The following USP46 variants were observed in gnomAD, a reference collection of about 807,000 sequenced individuals.
USP46 encodes the protein ubiquitin specific peptidase 46, also known as ubiquitin carboxyl-terminal hydrolase 46.
USP46 carries 12 observed loss-of-function variants against 44.4 expected under a neutral mutation model. The ratio of observed to expected loss-of-function variants is 0.27; its 90% CI spans 0.17 to 0.44. The LOEUF (loss-of-function observed/expected upper bound fraction) is 0.44, where lower values mean the gene tolerates loss of function less well. Ranked by LOEUF, USP46 falls within the 20% of genes least tolerant of loss-of-function variation. The probability of loss-of-function intolerance (pLI) is 1.00; values close to 1 mark genes in which losing one functional copy is unlikely to be tolerated. For missense variants in USP46, 248 were observed against 444.8 expected, an observed-to-expected ratio of 0.56 and a Z score of 3.98; for synonymous variants, 155 against 161.5, an observed-to-expected ratio of 0.96 and a Z score of 0.31.
chr4:52,650,924 C>T (rs1053932759), intron 1 of USP46: 1 of 152,002 alleles, frequency 6.6e-6, no homozygotes, highest in African/African-American at 2.4e-5. Context: ...TGGTGAAACC[C>T]TGTCTCTACT....
intron 1 of USP46, among the ~76,000 whole-genome samples, chr4:52,638,483 A>C (rs187616473): frequency 3.1e-4 from 47 of 151,982 alleles, no homozygotes; most frequent in African/African-American, 1.1e-3. Flanking sequence ...GTTTGTGGTA[A>C]TTTTTACAGC....
chr4:52,608,504 A>G (rs1305601718), intron 5 of USP46, among the ~76,000 whole-genome samples: 1 of 152,228 alleles, frequency 6.6e-6, no homozygotes, highest in East Asian at 1.9e-4. Flanking sequence ...TGAGGAGATG[A>G]ATACATCTAA....
chr4:52,607,996 G>A (rs968942164), intron 5 of USP46, among the ~76,000 whole-genome samples: 1 of 152,146 alleles, frequency 6.6e-6, no homozygotes, highest in South Asian at 2.1e-4. Flanking sequence ...TCCAAAAGTA[G>A]TGAGTTATCT....
intron 5 of USP46, among the ~76,000 whole-genome samples, chr4:52,610,025 A>G (rs1346522095): frequency 2.3e-5 from 3 of 132,594 alleles, no homozygotes; most frequent in African/African-American, 8.6e-5. Flanking sequence ...TCCCGGGTTC[A>G]CGCCATTCTC....
intron 1 of USP46, chr4:52,656,419 GAGGGACAGT>G: frequency 7.6e-7 from 1 of 1,323,066 alleles, no homozygotes; most frequent in South Asian, 1.3e-5. Flanking sequence ...GGAAGACTGG[GAGGGACAGT>G]GGGGGCGGTG....
chr4:52,608,596 C>G (rs1265275355), intron 5 of USP46, among the ~76,000 whole-genome samples: 2 of 152,172 alleles, frequency 1.3e-5, no homozygotes, highest in African/African-American at 2.4e-5. Context: ...CCTGGCTGCT[C>G]GATAGAATCA....
intron 5 of USP46, among the ~76,000 whole-genome samples, chr4:52,607,551 C>T (rs148871897): frequency 1.5e-3 from 227 of 152,256 alleles, no homozygotes; most frequent in African/African-American, 5.3e-3. Flanking sequence ...CACTTTGGGG[C>T]TTGATATAGT....
At chr4:52,653,124 C>G (rs562003538) in intron 1 of USP46, among the ~76,000 whole-genome samples, 1 of 152,224 alleles carries the variant, frequency 6.6e-6, no homozygotes, top group South Asian at 2.1e-4. Flanking sequence ...TACAGCATCC[C>G]TCAAACTTCA....
Position 52,623,104 on chromosome 4 carries a change from T to C in USP46, c.561+2914A>G, listed in dbSNP as rs151016774. ...GTTGAGACTGCCAGCCAAGAGTTGA[T>C]GGGTGCCTGAGCCAGGATGGGAGTA... On this transcript the variant is annotated intron_variant, in intron 4 of 8. Coordinates refer to ENST00000441222, the MANE Select transcript of USP46 (RefSeq NM_022832.4). Among the ~76,000 whole-genome samples the C allele has an allele frequency of 7.9e-4, 120 of 152,130 alleles. 1 individual carries two copies. The highest frequency in any genetic ancestry group is 2.6e-3 in the African/African-American group (109 of 41,498).
At chr4:52,600,978 T>C (rs1475559921) in intron 7 of USP46, among the ~76,000 whole-genome samples, 1 of 152,218 alleles carries the variant, frequency 6.6e-6, no homozygotes, top group Non-Finnish European at 1.5e-5. Context: ...GCTTCAGATG[T>C]GAAGTTATAC....
intron 1 of USP46, among the ~76,000 whole-genome samples, chr4:52,632,490 C>T (rs536388853): frequency 1.3e-5 from 2 of 152,244 alleles, no homozygotes; most frequent in Non-Finnish European, 2.9e-5. Context: ...CTCACAGAAA[C>T]TCAAGACTTA....
chr4:52,619,862 AAG>A (rs1484542622), intron 4 of USP46, among the ~76,000 whole-genome samples: 1 of 152,230 alleles, frequency 6.6e-6, no homozygotes, highest in Non-Finnish European at 1.5e-5. Flanking sequence ...TGAAGGATCT[AAG>A]AAAATGGAGG....
intron 1 of USP46, among the ~76,000 whole-genome samples, chr4:52,649,013 C>T (rs1005156173): frequency 2.6e-5 from 4 of 152,190 alleles, no homozygotes; most frequent in Admixed American, 6.5e-5. Flanking sequence ...CTCTCTCTAC[C>T]CGTGTCTCCC....
intron 1 of USP46, among the ~76,000 whole-genome samples, chr4:52,639,736 G>A (rs560972138): frequency 5.9e-5 from 9 of 152,006 alleles, no homozygotes; most frequent in East Asian, 5.8e-4. Context: ...TCACTCTGTC[G>A]CCCAGGCTGG....
chr4:52,636,934 C>T (rs1718140620), intron 1 of USP46, among the ~76,000 whole-genome samples: 1 of 151,656 alleles, frequency 6.6e-6, no homozygotes, highest in Non-Finnish European at 1.5e-5. Context: ...CTCAGCCTTC[C>T]AAGTAGCTGG....
chr4:52,607,701 C>T (rs1351433569), intron 5 of USP46, among the ~76,000 whole-genome samples: 2 of 152,124 alleles, frequency 1.3e-5, no homozygotes, highest in African/African-American at 2.4e-5. Context: ...GCTGTCCTCA[C>T]CATACATCGT....
intron 1 of USP46, among the ~76,000 whole-genome samples, chr4:52,632,550 G>A (rs1052241748): frequency 3.9e-5 from 6 of 152,126 alleles, no homozygotes; most frequent in Non-Finnish European, 7.4e-5. Flanking sequence ...GCCGGACATG[G>A]TGGCTCACAC....
intron 4 of USP46, among the ~76,000 whole-genome samples, chr4:52,617,100 T>C (rs1717183848): frequency 6.6e-6 from 1 of 152,166 alleles, no homozygotes; most frequent in Non-Finnish European, 1.5e-5. Flanking sequence ...GAAATAAATA[T>C]TTACTAAATA....
At chr4:52,623,556 C>T (rs1418332216) in intron 4 of USP46, among the ~76,000 whole-genome samples, 1 of 151,252 alleles carries the variant, frequency 6.6e-6, no homozygotes, top group African/African-American at 2.4e-5. Context: ...ACATTAGATG[C>T]CAAAAAAATG....
Sources: gnomAD v4.1 joint callset for allele counts (sites outside exome capture counted in the v4.1 genomes callset) on GRCh38, gnomAD v4.1.1 for gene constraint, MANE v1.5 for transcripts, NCBI Gene and HGNC (gene_info 2026-07-23, HGNC 2026-07-21) for gene names.